Variants in MGAT4C observed in about 807,000 individuals in gnomAD.
The protein encoded by MGAT4C is MGAT4 family member C.
MGAT4C carries 19 observed loss-of-function variants against 40.1 expected under a neutral mutation model. The observed-to-expected ratio is 0.47, with a 90% confidence interval of 0.33 to 0.70. The LOEUF (loss-of-function observed/expected upper bound fraction) is 0.70, where lower values mean the gene tolerates loss of function less well. Among genes scored for constraint, MGAT4C ranks in the 30% least tolerant of loss-of-function variants. The pLI is 0.02. For missense variants in MGAT4C, 491 were observed against 563.2 expected (o/e 0.87, Z 1.30); for synonymous variants, 181 against 187.1 (o/e 0.97, Z 0.27).
At chr12:86,378,729 A>G (rs143515561) in intron 3 of MGAT4C, among the ~76,000 whole-genome samples, 4 of 152,336 alleles carry the variant, frequency 2.6e-5, no homozygotes, top group African/African-American at 7.2e-5. Flanking sequence ...ATTAGCAAGA[A>G]GATGAGTAAA....
chr12:86,307,233 CAT>C (rs1953955159), intron 4 of MGAT4C, among the ~76,000 whole-genome samples: 1 of 150,420 alleles, frequency 6.6e-6, no homozygotes, highest in Non-Finnish European at 1.5e-5. Flanking sequence ...AGATTTGTCT[CAT>C]AATAATTATG....
chr12:86,583,413 T>C (rs1749232615), intron 2 of MGAT4C, among the ~76,000 whole-genome samples: 1 of 151,338 alleles, frequency 6.6e-6, no homozygotes, highest in Non-Finnish European at 1.5e-5. Flanking sequence ...AACAGTAACC[T>C]ATTTTAAAGG....
chr12:86,102,566 GAAGTA>G lies in MGAT4C; in HGVS notation c.-56-52848_-56-52844del, dbSNP rs576555002. On this transcript the variant is annotated intron_variant, in intron 1 of 4. Coordinates refer to ENST00000611864, the MANE Select transcript of MGAT4C (RefSeq NM_001351288.2). The stretch of plus-strand genomic sequence containing the variant: ...TAGGCCATCAAAGTAGTTTAGAAGT[GAAGTA>G]TTTTTAGTTCTCTAATCCATTAATT... Among the ~76,000 whole-genome samples, 10 of 152,154 alleles carry G rather than the reference GAAGTA, an allele frequency of 6.6e-5. No individual in the cohort carries two copies. In the South Asian group the frequency reaches 1.9e-3, roughly 28 times the overall value.
intron 1 of MGAT4C, among the ~76,000 whole-genome samples, chr12:86,183,815 A>C (rs1260613458): frequency 6.6e-6 from 1 of 152,162 alleles, no homozygotes; most frequent in African/African-American, 2.4e-5. Context: ...AATTCTATCA[A>C]CTTAAGATCC....
In MGAT4C at chr12:86,072,026, TTGTG is replaced by T. The variant is rs71076158; in HGVS notation, c.-56-22307_-56-22304del. 7.2e-3 allele frequency among the ~76,000 whole-genome samples: 1,079 copies of T among 149,026 alleles called. 7 individuals carry two copies. The highest frequency in any genetic ancestry group is 0.016 in the African/African-American group (654 of 40,440). ...TAAGTAGCAGTTAATGCATAGGGTTTTGTGTGTGTGTGTGTGTGTGTGTGTGTGT... is the reference window on the plus strand; with the variant it reads ...TAAGTAGCAGTTAATGCATAGGGTTTTGTGTGTGTGTGTGTGTGTGTGTGT... On this transcript the variant is annotated intron_variant, in intron 1 of 4. Transcript: ENST00000611864.
At chr12:86,270,324 G>A (rs1052116759) in intron 4 of MGAT4C, among the ~76,000 whole-genome samples, 22 of 151,714 alleles carry the variant, frequency 1.5e-4, no homozygotes, top group African/African-American at 4.1e-4. Flanking sequence ...CAGGTGATCC[G>A]CCCGCCTCGG....
chr12:86,497,547 T>G (rs1049292516), intron 2 of MGAT4C, among the ~76,000 whole-genome samples: 1 of 151,866 alleles, frequency 6.6e-6, no homozygotes, highest in Non-Finnish European at 1.5e-5. Context: ...CCATATTGAA[T>G]GCCTTCATTT....
At chr12:86,579,786 T>C (rs998372084) in intron 2 of MGAT4C, among the ~76,000 whole-genome samples, 6 of 151,556 alleles carry the variant, frequency 4.0e-5, no homozygotes, top group Non-Finnish European at 7.4e-5. Flanking sequence ...GTATTTCTCT[T>C]TCATGTTTGA....
intron 1 of MGAT4C, among the ~76,000 whole-genome samples, chr12:86,136,101 C>A (rs529349736): frequency 1.3e-5 from 2 of 152,224 alleles, no homozygotes; most frequent in East Asian, 1.9e-4. Flanking sequence ...TTTGATTTTG[C>A]AAACATTATT....
chr12:86,316,761 C>A (rs1419842272), intron 4 of MGAT4C, among the ~76,000 whole-genome samples: 1 of 152,064 alleles, frequency 6.6e-6, no homozygotes, highest in Non-Finnish European at 1.5e-5. Context: ...CTCTTGGGGA[C>A]TATGCTCACT....
At chr12:86,536,008 T>C (rs973861558) in intron 2 of MGAT4C, among the ~76,000 whole-genome samples, 2 of 152,102 alleles carry the variant, frequency 1.3e-5, no homozygotes, top group African/African-American at 4.8e-5. Context: ...TTCATTTGTA[T>C]ACAACTATAA....
At chr12:86,423,752 T>C (rs1956875833) in intron 3 of MGAT4C, among the ~76,000 whole-genome samples, 1 of 152,226 alleles carries the variant, frequency 6.6e-6, no homozygotes. Context: ...TTATTATCCA[T>C]TCATAATGTC....
chr12:86,331,874 A>C (rs1438818277), intron 4 of MGAT4C, among the ~76,000 whole-genome samples: 1 of 152,222 alleles, frequency 6.6e-6, no homozygotes, highest in Non-Finnish European at 1.5e-5. Context: ...TTGTATATTT[A>C]TAATAGTATT....
At chr12:86,409,484 G>T (rs895630117) in intron 3 of MGAT4C, among the ~76,000 whole-genome samples, 1 of 152,040 alleles carries the variant, frequency 6.6e-6, no homozygotes, top group Non-Finnish European at 1.5e-5. Flanking sequence ...TTGTATGCTT[G>T]TTAACAAAAA....
chr12:86,120,705 A>G (rs201954789), intron 1 of MGAT4C, among the ~76,000 whole-genome samples: 1 of 152,214 alleles, frequency 6.6e-6, no homozygotes, highest in East Asian at 1.9e-4. Flanking sequence ...AAACTAACAA[A>G]CAGAAAGGAC....
At chr12:86,433,857 T>G (rs924449486) in intron 3 of MGAT4C, among the ~76,000 whole-genome samples, 4 of 152,084 alleles carry the variant, frequency 2.6e-5, no homozygotes, top group Non-Finnish European at 5.9e-5. Context: ...ACCTTCACTA[T>G]GAATTCATTA....
At chr12:86,336,048 A>G (rs1160787923) in intron 3 of MGAT4C, among the ~76,000 whole-genome samples, 1 of 152,126 alleles carries the variant, frequency 6.6e-6, no homozygotes, top group Non-Finnish European at 1.5e-5. Context: ...TGCGTCAACC[A>G]CTTTCCAATG....
At chr12:86,147,266 T>G (rs544790162) in intron 1 of MGAT4C, among the ~76,000 whole-genome samples, 2 of 151,926 alleles carry the variant, frequency 1.3e-5, no homozygotes, top group Non-Finnish European at 2.9e-5. Flanking sequence ...TTTTGAGACG[T>G]AGTCTCGCTC....
chr12:86,831,405 G>T (rs1305612286), intron 1 of MGAT4C, among the ~76,000 whole-genome samples: 1 of 151,670 alleles, frequency 6.6e-6, no homozygotes, highest in Non-Finnish European at 1.5e-5. Context: ...GGGATAAGAA[G>T]ATGCTTCTCA....
Sources: gnomAD v4.1 joint callset for allele counts (sites outside exome capture counted in the v4.1 genomes callset) on GRCh38, gnomAD v4.1.1 for gene constraint, MANE v1.5 for transcripts, NCBI Gene and HGNC (gene_info 2026-07-23, HGNC 2026-07-21) for gene names.